The following AMPH variants were observed in gnomAD, a reference collection of about 807,000 sequenced individuals.
The protein encoded by AMPH is amphiphysin (Stiff-Mann syndrome with breast cancer 128kD autoantigen).
AMPH carries 49 observed loss-of-function variants against 99.1 expected under a neutral mutation model. That is an observed-to-expected ratio of 0.49 (90% CI 0.39 to 0.63). The LOEUF (loss-of-function observed/expected upper bound fraction) is 0.63, where lower values mean the gene tolerates loss of function less well. Among genes scored for constraint, AMPH ranks in the 20% least tolerant of loss-of-function variants. The pLI is 0.00. For missense variants in AMPH, 759 were observed against 863.4 expected (o/e 0.88, Z 1.52); for synonymous variants, 314 against 317.3 (o/e 0.99, Z 0.11).
intron 14 of AMPH, chr7:38,428,314 T>C (rs1178443099): frequency 2.2e-6 from 1 of 456,770 alleles, no homozygotes; most frequent in Non-Finnish European, 4.4e-6. Context: ...AAGTTAACAG[T>C]ATGACTACGG....
intron 3 of AMPH, 101 bp from the exon 4 acceptor site, chr7:38,494,628 T>C: frequency 9.8e-7 from 1 of 1,025,482 alleles, no homozygotes. Context: ...TTGTACTTGC[T>C]AAACATTTAA....
At chr7:38,418,363 G>A (rs1301163911) in intron 16 of AMPH, among the ~76,000 whole-genome samples, 1 of 152,132 alleles carries the variant, frequency 6.6e-6, no homozygotes, top group Non-Finnish European at 1.5e-5. Context: ...GAGACAGAGA[G>A]AAAGGATTCT....
chr7:38,498,247 C>A (rs1257536752), intron 3 of AMPH, among the ~76,000 whole-genome samples: 1 of 152,172 alleles, frequency 6.6e-6, no homozygotes, highest in Non-Finnish European at 1.5e-5. Context: ...CTGCCCACTG[C>A]CCTTCCCTGG....
rs1401383733 is a variant in AMPH, at chr7:38,444,320, T to A, written c.1018-7932A>T. Among the ~76,000 whole-genome samples, 5 of 152,232 alleles carry A rather than the reference T, an allele frequency of 3.3e-5. No homozygotes were observed. In the East Asian group the frequency reaches 9.7e-4, roughly 29 times the overall value. On this transcript the variant is annotated intron_variant, in intron 11 of 20. Transcript: ENST00000356264. ...TCCCCCACCCCCCAAATTTCATGCCTATCTGGAACCTGTAAGTGTGTCCTT... is the reference window on the plus strand; with the variant it reads ...TCCCCCACCCCCCAAATTTCATGCCAATCTGGAACCTGTAAGTGTGTCCTT...
intron 1 of AMPH, among the ~76,000 whole-genome samples, chr7:38,593,534 T>G (rs1792936701): frequency 6.6e-6 from 1 of 152,226 alleles, no homozygotes; most frequent in Non-Finnish European, 1.5e-5. Context: ...TGCTCTCAGT[T>G]CCATCACAGG....
chr7:38,614,244 G>A (rs1052190942), intron 1 of AMPH, among the ~76,000 whole-genome samples: 1 of 152,164 alleles, frequency 6.6e-6, no homozygotes, highest in African/African-American at 2.4e-5. Flanking sequence ...AAATGAAAAG[G>A]GAGGAATTGA....
In AMPH at chr7:38,407,076, A is replaced by ATGTG. The variant is rs70975098; in HGVS notation, c.1398+10745_1398+10748dup. Among the ~76,000 whole-genome samples, 28 of 19,748 alleles carry ATGTG rather than the reference A, an allele frequency of 1.4e-3. 1 individual carries two copies. The highest frequency in any genetic ancestry group is 1.9e-3 in the Non-Finnish European group (21 of 11,156). The allele number at this position is 19,748 out of a possible 152,430, so 13.0% of individuals were successfully genotyped here. On this transcript the variant is annotated intron_variant, in intron 17 of 20. Coordinates refer to ENST00000356264, the MANE Select transcript of AMPH (RefSeq NM_001635.4). Reference sequence around the variant, plus strand: ...TATATATATATATATATATATATATATGTGTGTGTGTGTGTGTGTGTGTGT... The same window carrying ATGTG: ...TATATATATATATATATATATATATATGTGTGTGTGTGTGTGTGTGTGTGTGTGT...
At chr7:38,454,166 A>C (rs1304211995) in intron 11 of AMPH, among the ~76,000 whole-genome samples, 1 of 152,254 alleles carries the variant, frequency 6.6e-6, no homozygotes, top group African/African-American at 2.4e-5. Flanking sequence ...AGAAAACAAT[A>C]GCTCAAAGCA....
chr7:38,410,058 T>C (rs889800784), intron 17 of AMPH, among the ~76,000 whole-genome samples: 2 of 152,156 alleles, frequency 1.3e-5, no homozygotes, highest in Non-Finnish European at 2.9e-5. Flanking sequence ...GGATTGCAAA[T>C]AGTTTGTTAA....
chr7:38,459,027 C>A (rs543080808), intron 11 of AMPH, among the ~76,000 whole-genome samples: 4 of 152,006 alleles, frequency 2.6e-5, no homozygotes, highest in Admixed American at 2.6e-4. Context: ...AGTAAAGTTG[C>A]AGGATATGTA....
At chr7:38,605,019 T>G (rs886632767) in intron 1 of AMPH, among the ~76,000 whole-genome samples, 2 of 152,228 alleles carry the variant, frequency 1.3e-5, no homozygotes, top group Non-Finnish European at 2.9e-5. Context: ...AGGATATTTA[T>G]CACATAAACA....
intron 11 of AMPH, among the ~76,000 whole-genome samples, chr7:38,437,639 A>AGAAAAAAGAAAAG (rs1554336211): frequency 1.0e-5 from 1 of 96,738 alleles, no homozygotes; most frequent in Non-Finnish European, 1.9e-5. Context: ...AAAAAAAAAA[A>AGAAAAAAGAAAAG]AAAAGAAAAG....
chr7:38,415,916 A>T (rs1156924731), intron 17 of AMPH, among the ~76,000 whole-genome samples: 2 of 151,672 alleles, frequency 1.3e-5, no homozygotes, highest in Non-Finnish European at 1.5e-5. Context: ...AGGAATCAAA[A>T]TTTTTGATTC....
Position 38,384,780 on chromosome 7 carries a change from A to G in AMPH, c.*38T>C. ...TTCAGGTTTTCATGAAGGTTTAAAA[A>G]CCCCGTAACTGAGCTCCTTCTTGCA... On this transcript the variant is annotated 3_prime_UTR_variant, in exon 21 of 21. Transcript: ENST00000356264. 1.3e-6 allele frequency: 2 copies of G among 1,547,246 alleles called. No homozygotes were observed. Among genetic ancestry groups the G allele is most frequent in the Non-Finnish European group, 1.8e-6 (2 of 1,120,856 alleles).
intron 11 of AMPH, among the ~76,000 whole-genome samples, chr7:38,452,096 T>C (rs1787059618): frequency 6.6e-6 from 1 of 152,208 alleles, no homozygotes; most frequent in South Asian, 2.1e-4. Flanking sequence ...ATCACCGTGA[T>C]GGTGCTTGGT....
At chr7:38,428,187 C>T (rs1334859548) in intron 14 of AMPH, 1 of 456,622 alleles carries the variant, frequency 2.2e-6, no homozygotes, top group Non-Finnish European at 4.4e-6. Context: ...ACTTGCTTGG[C>T]CATCTGGTAT....
At chr7:38,406,731 CCTCTCTCTCTCTCTCTCTCT>C (rs56738810) in intron 17 of AMPH, among the ~76,000 whole-genome samples, 21 of 80,550 alleles carry the variant, frequency 2.6e-4, no homozygotes, top group Non-Finnish European at 3.3e-4. Context: ...TCTCCCTTTC[CCTCTCTCTCTCTCTCTCTCT>C]CTCTCTCTCT....
In AMPH at chr7:38,422,490, G is replaced by T; in HGVS notation, c.1216-13C>A. ...AAGTATCCTGGGGCTGAAAATCAAG[G>T]ATAAAAATAGAAGATGTTTTTTAAA... is the stretch of plus-strand genomic sequence containing the variant. On this transcript the variant is annotated splice_polypyrimidine_tract_variant and intron_variant, in intron 15 of 20. Coordinates refer to ENST00000356264, the MANE Select transcript of AMPH (RefSeq NM_001635.4). The T allele has an allele frequency of 6.2e-7, 1 of 1,605,662 alleles. No individual in the cohort carries two copies. Among genetic ancestry groups the T allele is most frequent in the Non-Finnish European group, 8.5e-7 (1 of 1,172,894 alleles).
intron 3 of AMPH, among the ~76,000 whole-genome samples, chr7:38,500,869 C>CAA (rs1789111037): frequency 6.6e-6 from 1 of 152,068 alleles, no homozygotes; most frequent in Admixed American, 6.6e-5. Context: ...AATGTAAAAT[C>CAA]AAGTTAATGA....
Sources: gnomAD v4.1 joint callset for allele counts (sites outside exome capture counted in the v4.1 genomes callset) on GRCh38, gnomAD v4.1.1 for gene constraint, MANE v1.5 for transcripts, NCBI Gene and HGNC (gene_info 2026-07-23, HGNC 2026-07-21) for gene names.